The following ABCA4 variants were observed in gnomAD, a reference collection of about 807,000 sequenced individuals.
The protein encoded by ABCA4 is retinal-specific phospholipid-transporting ATPase ABCA4.
A neutral mutation model predicts 263.7 loss-of-function variants in ABCA4; 196 were observed. The observed-to-expected ratio is 0.74, with a 90% CI of 0.66 to 0.84. The LOEUF is 0.84. Ranked by LOEUF, ABCA4 falls within the 40% of genes least tolerant of loss-of-function variation. The probability of loss-of-function intolerance (pLI) is 0.00; values close to 1 mark genes in which losing one functional copy is unlikely to be tolerated. For synonymous variants in ABCA4, 1,133 were observed against 1,094.2 expected, an observed-to-expected ratio of 1.04 and a Z score of -0.70; for missense variants, 2,792 against 2,855.1, an observed-to-expected ratio of 0.98 and a Z score of 0.50.
In ABCA4 at chr1:94,111,593, A is replaced by C; in HGVS notation, c.161-14T>G. 1.4e-5 allele frequency: 22 copies of C among 1,614,054 alleles called. No homozygotes were observed. The highest frequency in any genetic ancestry group is 1.9e-5 in the Non-Finnish European group (22 of 1,179,960). On this transcript the variant is annotated splice_polypyrimidine_tract_variant and intron_variant, in intron 2 of 49. Transcript: ENST00000370225. ...TGGGGAAATGGCCTTTAAAACAGAAAATGAGGACAAGACGGGATTAGTCAT... is the reference window on the plus strand; with the variant it reads ...TGGGGAAATGGCCTTTAAAACAGAACATGAGGACAAGACGGGATTAGTCAT...
At chr1:94,067,194 A>C (rs1245171342) in intron 11 of ABCA4, among the ~76,000 whole-genome samples, 3 of 151,716 alleles carry the variant, frequency 2.0e-5, no homozygotes, top group Non-Finnish European at 4.4e-5. Flanking sequence ...AATTTTTGCT[A>C]CAGTGCTAAT....
chr1:94,005,390 A>G, intron 44 of ABCA4, 51 bp downstream of exon 44: 2 of 1,611,582 alleles, frequency 1.2e-6, no homozygotes, highest in Non-Finnish European at 1.7e-6. Context: ...CTCATGAAAC[A>G]GGCTTGTAAT....
At chr1:94,030,096 G>C (rs187581634) in intron 29 of ABCA4, among the ~76,000 whole-genome samples, 7 of 152,276 alleles carry the variant, frequency 4.6e-5, no homozygotes, top group African/African-American at 1.4e-4. Flanking sequence ...GCCATTCAAG[G>C]CCCAATCACA....
At chr1:94,115,467 T>A (rs1662733599) in intron 1 of ABCA4, among the ~76,000 whole-genome samples, 1 of 152,158 alleles carries the variant, frequency 6.6e-6, no homozygotes. Context: ...ACTGCTCATT[T>A]TTCCTACAGT....
intron 16 of ABCA4, among the ~76,000 whole-genome samples, chr1:94,053,251 C>T (rs1660887030): frequency 6.6e-6 from 1 of 152,202 alleles, no homozygotes; most frequent in African/African-American, 2.4e-5. Context: ...AGCCTGGGCA[C>T]CACATTTCCA....
chr1:94,028,799 A>G (rs1293495550), intron 30 of ABCA4, among the ~76,000 whole-genome samples: 1 of 148,106 alleles, frequency 6.8e-6, no homozygotes, highest in Non-Finnish European at 1.5e-5. Context: ...AATCCCCACT[A>G]CTCGGGGGGG....
At chr1:94,106,601 A>ACTT (rs1662442328) in intron 4 of ABCA4, among the ~76,000 whole-genome samples, 1 of 152,144 alleles carries the variant, frequency 6.6e-6, no homozygotes, top group Non-Finnish European at 1.5e-5. Context: ...ACTAAAATAA[A>ACTT]CTTCTACCCA....
rs751302569 is a variant in ABCA4, at chr1:94,043,478, A to G, written c.3051-3T>C. ...GCATGTGCTCAGCCACCGTGAGGCT[A>G]GGAGGATGGGACAACGAGAAAAGCA... On this transcript the variant is annotated splice_region_variant and splice_polypyrimidine_tract_variant and intron_variant, in intron 20 of 49. Transcript: ENST00000370225. The G allele has an allele frequency of 5.6e-6, 9 of 1,614,040 alleles. No individual in the cohort carries two copies. Among genetic ancestry groups the G allele is most frequent in the Middle Eastern group, 3.3e-4 (2 of 6,084 alleles).
chr1:94,038,952 C>T (rs1212470377), intron 24 of ABCA4, among the ~76,000 whole-genome samples: 1 of 152,042 alleles, frequency 6.6e-6, no homozygotes, highest in Non-Finnish European at 1.5e-5. Flanking sequence ...ACAAAGAAAA[C>T]CTTTATTTAG....
intron 4 of ABCA4, among the ~76,000 whole-genome samples, chr1:94,107,275 C>A (rs1056784572): frequency 1.9e-4 from 29 of 152,282 alleles, no homozygotes; most frequent in African/African-American, 6.5e-4. Context: ...GGCCTCTGAG[C>A]CCCGTTTCCT....
intron 35 of ABCA4, among the ~76,000 whole-genome samples, 196 bp from the exon 36 acceptor site, chr1:94,019,955 G>A (rs764566024): frequency 1.3e-5 from 2 of 152,040 alleles, no homozygotes; most frequent in Non-Finnish European, 2.9e-5. Context: ...GGGTATTTGC[G>A]GGTTGCCTTT....
chr1:94,015,882 A>G, intron 36 of ABCA4, 28 bp from the exon 37 acceptor site: 1 of 1,586,250 alleles, frequency 6.3e-7, no homozygotes, highest in Non-Finnish European at 8.6e-7. Context: ...AGAGCAAGTC[A>G]CTTAACCTCT....
intron 32 of ABCA4, among the ~76,000 whole-genome samples, chr1:94,022,659 A>G (rs546328415): frequency 2.7e-4 from 41 of 152,256 alleles, no homozygotes; most frequent in African/African-American, 9.4e-4. Flanking sequence ...AACCCTTCAA[A>G]GGCAGGGCAG....
chr1:94,093,926 A>C (rs923155806), intron 6 of ABCA4, among the ~76,000 whole-genome samples: 3 of 151,630 alleles, frequency 2.0e-5, no homozygotes, highest in Non-Finnish European at 4.4e-5. Context: ...TTTTCATAAA[A>C]CCCCCCAAAA....
intron 18 of ABCA4, among the ~76,000 whole-genome samples, chr1:94,048,652 C>T (rs921190002): frequency 2.6e-5 from 4 of 152,234 alleles, no homozygotes; most frequent in Admixed American, 6.5e-5. Context: ...TATTTGCTTT[C>T]TCCAGGAAAT....
chr1:94,119,698 CT>C (rs1411684878), intron 1 of ABCA4, among the ~76,000 whole-genome samples: 10 of 152,108 alleles, frequency 6.6e-5, no homozygotes, highest in Admixed American at 3.9e-4. Flanking sequence ...CCTGCAATTG[CT>C]ACCTCCATGA....
chr1:94,010,686 T>C, intron 40 of ABCA4, 114 bp downstream of exon 40: 1 of 1,490,376 alleles, frequency 6.7e-7, no homozygotes, highest in South Asian at 1.2e-5. Flanking sequence ...TTTGAGAATG[T>C]AGAAAAAACA....
intron 11 of ABCA4, among the ~76,000 whole-genome samples, chr1:94,072,993 ACT>A (rs1239765072): frequency 2.6e-5 from 4 of 151,978 alleles, no homozygotes; most frequent in Non-Finnish European, 5.9e-5. Context: ...AGGGGCCTGT[ACT>A]CTCTGCTCAG....
intron 14 of ABCA4, among the ~76,000 whole-genome samples, chr1:94,059,848 C>T (rs770479201): frequency 9.2e-5 from 14 of 152,126 alleles, no homozygotes; most frequent in Non-Finnish European, 1.3e-4. Context: ...AGGATAGCAG[C>T]GCATTGCAAA....
Sources: gnomAD v4.1 joint callset for allele counts (sites outside exome capture counted in the v4.1 genomes callset) on GRCh38, gnomAD v4.1.1 for gene constraint, MANE v1.5 for transcripts, NCBI Gene and HGNC (gene_info 2026-07-23, HGNC 2026-07-21) for gene names.